RBBP4: variants seen among roughly 807,000 people sequenced by gnomAD.
RBBP4 encodes histone-binding protein RBBP4.
Under a neutral mutation model 57.2 loss-of-function variants are expected in RBBP4, and 3 were observed. The ratio of observed to expected loss-of-function variants is 0.05; its 90% CI spans 0.02 to 0.14. The LOEUF (loss-of-function observed/expected upper bound fraction) is 0.14, where lower values mean the gene tolerates loss of function less well. Among genes scored for constraint, RBBP4 ranks in the 10% least tolerant of loss-of-function variants. RBBP4 has a pLI of 1.00. For missense variants in RBBP4, 107 were observed against 520.6 expected, an observed-to-expected ratio of 0.21 and a Z score of 7.73; for synonymous variants, 151 against 171.5, an observed-to-expected ratio of 0.88 and a Z score of 0.93.
intron 2 of RBBP4, among the ~76,000 whole-genome samples, chr1:32,655,096 C>G (rs1648075681): frequency 6.6e-6 from 1 of 152,114 alleles, no homozygotes; most frequent in South Asian, 2.1e-4. Context: ...CCAAGGAATC[C>G]TCCTGCCTCA....
intron 2 of RBBP4, among the ~76,000 whole-genome samples, chr1:32,652,668 A>G (rs1164358515): frequency 1.3e-5 from 2 of 152,022 alleles, no homozygotes; most frequent in East Asian, 3.9e-4. Context: ...AGCCCTCCCA[A>G]GTAGCTGGGA....
chr1:32,679,955 A>C lies in RBBP4; in HGVS notation c.*250A>C. 2 of 1,274,528 alleles carry C rather than the reference A, an allele frequency of 1.6e-6. No individual in the cohort carries two copies. Among genetic ancestry groups the C allele is most frequent in the Non-Finnish European group, 2.0e-6 (2 of 1,012,198 alleles). The allele number at this position is 1,274,528 out of a possible 1,614,324, so 79.0% of individuals were successfully genotyped here. A position where few individuals can be genotyped will look rare whatever the true frequency, so the allele number is the denominator to read the frequency against. On this transcript the variant is annotated 3_prime_UTR_variant, in exon 12 of 12. Transcript: ENST00000373493. ...CTAGTAACCCAGGTCTAAAGTAGCT[A>C]CAGAAAGGGGAATATTATGTGTGAT...
chr1:32,671,932 C>G (rs940457743), intron 8 of RBBP4, among the ~76,000 whole-genome samples: 5 of 152,004 alleles, frequency 3.3e-5, no homozygotes, highest in African/African-American at 1.2e-4. Context: ...GGGAATGGAA[C>G]AAAAGCTTAT....
Position 32,675,262 on chromosome 1 carries a change from C to G in RBBP4, c.1212+2361C>G, listed in dbSNP as rs183893095. ...TGTTGGTCAGGCTGGCCTCGAACTC[C>G]TGACCTCAGGTGATCTGCCTGCCTC... is the stretch of plus-strand genomic sequence containing the variant. On this transcript the variant is annotated intron_variant, in intron 11 of 11. Coordinates refer to ENST00000373493, the MANE Select transcript of RBBP4 (RefSeq NM_005610.3). Among the ~76,000 whole-genome samples the G allele has an allele frequency of 2.5e-3, 379 of 151,432 alleles. 2 individuals carry two copies. The highest frequency in any genetic ancestry group is 0.024 in the Middle Eastern group (7 of 290).
chr1:32,654,958 G>T (rs1648070253), intron 2 of RBBP4, among the ~76,000 whole-genome samples: 1 of 152,142 alleles, frequency 6.6e-6, no homozygotes, highest in African/African-American at 2.4e-5. Flanking sequence ...GCCTCCCAAA[G>T]TGCTGGGATT....
At chr1:32,672,338 A>T in intron 8 of RBBP4, 112 bp from the exon 9 acceptor site, 16 of 826,778 alleles carry the variant, frequency 1.9e-5, no homozygotes, top group Non-Finnish European at 2.5e-5. Context: ...TAATACCTTG[A>T]CTTCCTCTTC....
At chr1:32,666,370 T>A (rs1648646150) in intron 3 of RBBP4, among the ~76,000 whole-genome samples, 1 of 152,034 alleles carries the variant, frequency 6.6e-6, no homozygotes, top group Non-Finnish European at 1.5e-5. Context: ...TTATTTTTTT[T>A]TTTTTTGAGA....
At chr1:32,660,235 G>C (rs1468666090) in intron 3 of RBBP4, among the ~76,000 whole-genome samples, 1 of 152,024 alleles carries the variant, frequency 6.6e-6, no homozygotes, top group African/African-American at 2.4e-5. Context: ...CTTAAGTCCT[G>C]TTATTGGTTA....
chr1:32,670,635 C>T (rs1648833745), intron 8 of RBBP4, among the ~76,000 whole-genome samples: 2 of 151,910 alleles, frequency 1.3e-5, no homozygotes, highest in African/African-American at 4.8e-5. Flanking sequence ...TGCAATGGTG[C>T]AATCTCGGCT....
At chr1:32,679,314 A>G (rs184716966) in intron 11 of RBBP4, among the ~76,000 whole-genome samples, 212 of 152,304 alleles carry the variant, frequency 1.4e-3, no homozygotes, top group African/African-American at 4.9e-3. Flanking sequence ...AAGAAAAATA[A>G]TAATGCCTGG....
intron 2 of RBBP4, among the ~76,000 whole-genome samples, chr1:32,656,500 C>T (rs936633407): frequency 6.6e-6 from 1 of 152,068 alleles, no homozygotes; most frequent in South Asian, 2.1e-4. Context: ...CTACAGGCAC[C>T]GCCACCACAC....
At chr1:32,668,674 A>T in intron 4 of RBBP4, 65 bp from the exon 5 acceptor site, 1 of 1,327,300 alleles carries the variant, frequency 7.5e-7, no homozygotes, top group Non-Finnish European at 1.1e-6. Flanking sequence ...CCAAAATTCC[A>T]TTATGCTCAG....
chr1:32,676,584 C>T (rs367944989), intron 11 of RBBP4, among the ~76,000 whole-genome samples: 2 of 135,416 alleles, frequency 1.5e-5, no homozygotes, highest in Non-Finnish European at 3.1e-5. Context: ...TGCACTCGAA[C>T]ATGGGCAACA....
rs559533391 is a variant in RBBP4 at position 32,668,217 on chromosome 1, A to T, written c.311-8A>T. ...TTTTGTCCTCATTTGCAATTAATTT[A>T]TTCACAGAATTTGGAGGTTTTGGTT... On this transcript the variant is annotated splice_polypyrimidine_tract_variant and splice_region_variant and intron_variant, in intron 3 of 11. Coordinates refer to ENST00000373493, the MANE Select transcript of RBBP4 (RefSeq NM_005610.3). The T allele has an allele frequency of 2.5e-6, 4 of 1,608,004 alleles. No individual in the cohort carries two copies. In the South Asian group the frequency reaches 4.4e-5, roughly 18 times the overall value.
chr1:32,683,908 C>T lies in RBBP4; in HGVS notation c.*4203C>T. ...TCAGCCTCCCAAAGTGCTAGGATTACAGGCGTGAGCCACCCCGTCCGGCCT... is the reference window on the plus strand; with the variant it reads ...TCAGCCTCCCAAAGTGCTAGGATTATAGGCGTGAGCCACCCCGTCCGGCCT... On this transcript the variant is annotated 3_prime_UTR_variant, in exon 12 of 12. Coordinates refer to ENST00000373493, the MANE Select transcript of RBBP4 (RefSeq NM_005610.3). 1 of 1,158,912 alleles carries T rather than the reference C, an allele frequency of 8.6e-7. No homozygotes were observed. The highest frequency in any genetic ancestry group is 1.9e-5 in the Admixed American group (1 of 53,734). 71.8% of individuals were successfully genotyped at this position (1,158,912 alleles called of 1,614,324 possible). A position where few individuals can be genotyped will look rare whatever the true frequency, so the allele number is the denominator to read the frequency against.
intron 11 of RBBP4, chr1:32,673,483 G>C (rs973546435): frequency 2.3e-6 from 1 of 425,934 alleles, no homozygotes; most frequent in Non-Finnish European, 4.6e-6. Flanking sequence ...TTTCACCCAG[G>C]CTGGAGTGCA....
intron 2 of RBBP4, 130 bp from the exon 3 acceptor site, chr1:32,657,297 G>T (rs749513232): frequency 1.2e-6 from 1 of 836,808 alleles, no homozygotes; most frequent in South Asian, 1.9e-5. Context: ...AGAAAGAAAA[G>T]ACCCTTAATG....
At position 32,684,530 on chromosome 1, in the gene RBBP4, G is replaced by A. The variant is rs950530561; in HGVS notation, c.*4825G>A. On this transcript the variant is annotated 3_prime_UTR_variant, in exon 12 of 12. Coordinates refer to ENST00000373493, the MANE Select transcript of RBBP4 (RefSeq NM_005610.3). ...ATTTATATGATAGGTTATGAAACAG[G>A]TTCAAAGAAGTTGTGTCTTGGAAAA... 1.7e-6 allele frequency: 2 copies of A among 1,165,278 alleles called. No homozygotes were observed. Among genetic ancestry groups the A allele is most frequent in the African/African-American group, 3.1e-5 (2 of 64,662 alleles). The allele number at this position is 1,165,278 out of a possible 1,614,324, so 72.2% of individuals were successfully genotyped here. A position where few individuals can be genotyped will look rare whatever the true frequency, so the allele number is the denominator to read the frequency against.
chr1:32,651,431 C>G (rs1398461121), intron 1 of RBBP4, 109 bp downstream of exon 1: 3 of 1,378,332 alleles, frequency 2.2e-6, no homozygotes, highest in African/African-American at 1.5e-5. Flanking sequence ...GTGCAGTCCC[C>G]GGTACTGAAG....
Sources: allele counts gnomAD v4.1 joint callset (sites outside exome capture counted in the v4.1 genomes callset), GRCh38; gene constraint gnomAD v4.1.1; transcripts MANE v1.5; gene names NCBI Gene and HGNC (gene_info 2026-07-23, HGNC 2026-07-21).